Variants in ATAD2B observed in about 807,000 individuals in gnomAD.
The protein encoded by ATAD2B is ATPase family AAA domain containing 2B.
In ATAD2B, 40 loss-of-function variants were observed where a neutral mutation model predicts 167.6. The ratio of observed to expected loss-of-function variants is 0.24; its 90% confidence interval spans 0.19 to 0.31. The LOEUF is 0.31. Ranked by LOEUF, ATAD2B falls within the 10% of genes least tolerant of loss-of-function variation. The pLI, the probability that ATAD2B is intolerant of heterozygous loss-of-function variation, is 1.00. For missense variants in ATAD2B, 1,242 were observed against 1,757.2 expected, an observed-to-expected ratio of 0.71 and a Z score of 5.24; for synonymous variants, 579 against 596.5, an observed-to-expected ratio of 0.97 and a Z score of 0.43.
At chr2:23,720,500 GGAGACAGAGGTTGCAAGATCTCTATAA>G in the ATAD2B span, among the ~76,000 whole-genome samples, 72,073 of 149,706 alleles carry the variant, frequency 0.48, 18,056 homozygotes, top group East Asian at 0.78. Context: ...CTTGAACCCA[GGAGACAGAGGTTGCAAGATCTCTATAA>G]GAGATTGCGC....
Position 23,754,106 on chromosome 2 carries a change from CT to C in ATAD2B, c.4335+72del, listed in dbSNP as rs1205863081. 4 of 1,306,478 alleles carry C rather than the reference CT, an allele frequency of 3.1e-6. No homozygotes were observed. The South Asian group carries it at 5.2e-5, about 17-fold the overall frequency. 80.9% of individuals were successfully genotyped at this position (1,306,478 alleles called of 1,614,324 possible). A position where few individuals can be genotyped will look rare whatever the true frequency, so the allele number is the denominator to read the frequency against. On this transcript the variant is annotated intron_variant, in intron 27 of 27. Coordinates refer to ENST00000238789, the MANE Select transcript of ATAD2B (RefSeq NM_017552.4). The stretch of plus-strand genomic sequence containing the variant: ...AAAGACATAGATGTAGGCAAAATAA[CT>C]TTTTTTCCTCTTTTCTTTGGAACAA...
At chr2:23,815,717 A>G (rs959854292) in intron 17 of ATAD2B, among the ~76,000 whole-genome samples, 1 of 152,256 alleles carries the variant, frequency 6.6e-6, no homozygotes, top group African/African-American at 2.4e-5. Flanking sequence ...ATATCCTCAC[A>G]ACTAGTGGAA....
At chr2:23,921,630 C>A (rs551241034) in intron 1 of ATAD2B, among the ~76,000 whole-genome samples, 1 of 152,114 alleles carries the variant, frequency 6.6e-6, no homozygotes, top group African/African-American at 2.4e-5. Flanking sequence ...CAACAGAATG[C>A]GTGTATATCT....
intron 24 of ATAD2B, among the ~76,000 whole-genome samples, chr2:23,759,076 T>C (rs1274270872): frequency 6.6e-6 from 1 of 152,158 alleles, no homozygotes; most frequent in Non-Finnish European, 1.5e-5. Context: ...CATAATACAG[T>C]TAAGTGTTCT....
At chr2:23,739,554 T>C in the ATAD2B span, among the ~76,000 whole-genome samples, 1 of 151,538 alleles carries the variant, frequency 6.6e-6, no homozygotes, top group Non-Finnish European at 1.5e-5. Context: ...CAAAGCAGTG[T>C]GTAGAGGGAA....
chr2:23,889,059 T>C (rs1242914620), intron 2 of ATAD2B, among the ~76,000 whole-genome samples: 1 of 151,996 alleles, frequency 6.6e-6, no homozygotes, highest in African/African-American at 2.4e-5. Flanking sequence ...AATAAAAGAG[T>C]TGTCAATGCA....
At chr2:23,857,568 T>C in intron 12 of ATAD2B, 65 bp from the exon 13 acceptor site, 1 of 768,944 alleles carries the variant, frequency 1.3e-6, no homozygotes, top group Non-Finnish European at 1.9e-6. Flanking sequence ...TATTATATTT[T>C]CTTAATAGGT....
intron 6 of ATAD2B, among the ~76,000 whole-genome samples, chr2:23,884,417 G>A (rs1025666413): frequency 5.9e-5 from 9 of 151,906 alleles, no homozygotes; most frequent in South Asian, 2.1e-4. Context: ...TAGAGGCCAC[G>A]GATAGCAAAG....
intron 15 of ATAD2B, among the ~76,000 whole-genome samples, chr2:23,825,707 A>G (rs1352982686): frequency 6.6e-6 from 1 of 152,170 alleles, no homozygotes; most frequent in East Asian, 1.9e-4. Context: ...CTTCTTTAAA[A>G]GGATATACAC....
the ATAD2B span, among the ~76,000 whole-genome samples, chr2:23,701,978 AATT>A: frequency 1.4e-5 from 1 of 71,484 alleles, no homozygotes; most frequent in Non-Finnish European, 2.9e-5. Flanking sequence ...ATGCCCAGCT[AATT>A]TTTTTTTTTT....
intron 8 of ATAD2B, chr2:23,872,363 T>C (rs558247395): frequency 5.0e-5 from 32 of 639,368 alleles, no homozygotes; most frequent in Middle Eastern, 9.5e-4. Flanking sequence ...TCATAGACAA[T>C]GGGAATACTA....
chr2:23,863,338 G>C (rs1352740446), intron 12 of ATAD2B, 43 bp downstream of exon 12: 1 of 1,529,650 alleles, frequency 6.5e-7, no homozygotes, highest in Admixed American at 2.1e-5. Context: ...GAAAAGAACA[G>C]AACAGAACAG....
intron 12 of ATAD2B, among the ~76,000 whole-genome samples, chr2:23,861,607 G>A (rs1208145081): frequency 1.3e-5 from 2 of 150,930 alleles, no homozygotes; most frequent in South Asian, 4.2e-4. Flanking sequence ...GGAGTAGCAT[G>A]ATTTATGCTA....
chr2:23,834,129 T>G, intron 13 of ATAD2B, 51 bp from the exon 14 acceptor site: 1 of 713,864 alleles, frequency 1.4e-6, no homozygotes, highest in South Asian at 2.4e-5. Context: ...CACTGCTGCT[T>G]ACAATAACGT....
intron 22 of ATAD2B, among the ~76,000 whole-genome samples, chr2:23,774,252 C>A (rs1243955308): frequency 6.6e-6 from 1 of 152,056 alleles, no homozygotes; most frequent in Non-Finnish European, 1.5e-5. Flanking sequence ...GAGTTTGAGA[C>A]CAGCATAGTC....
Position 23,869,718 on chromosome 2 carries a change from CAGA to C in ATAD2B, c.1018_1020del (p.Ser340del), listed in dbSNP as rs751473768. On this transcript the variant is annotated inframe_deletion, in exon 9 of 28. Coordinates refer to ENST00000238789, the MANE Select transcript of ATAD2B (RefSeq NM_017552.4). Reference sequence around the variant, plus strand: ...TTCCTTCTTTCAAAGCGTTCCTCATCAGAAGAAGTTGTGTCACTACTATGAATG... The same window carrying C: ...TTCCTTCTTTCAAAGCGTTCCTCATCAGAAGTTGTGTCACTACTATGAATG... The C allele has an allele frequency of 6.4e-6, 10 of 1,568,650 alleles. No individual in the cohort carries two copies. The highest frequency in any genetic ancestry group is 4.0e-5 in the African/African-American group (3 of 74,338).
the ATAD2B span, among the ~76,000 whole-genome samples, chr2:23,694,710 C>CT: frequency 6.6e-6 from 1 of 152,190 alleles, no homozygotes; most frequent in East Asian, 1.9e-4. Flanking sequence ...CTTTCACTCT[C>CT]TGACGCCTCT....
intron 11 of ATAD2B, 85 bp downstream of exon 11, chr2:23,864,724 A>G (rs564568218): frequency 1.7e-6 from 1 of 594,356 alleles, no homozygotes; most frequent in East Asian, 3.2e-5. Context: ...TATATATCAA[A>G]TATTTATATT....
intron 24 of ATAD2B, among the ~76,000 whole-genome samples, chr2:23,760,476 C>T (rs1676511731): frequency 6.6e-6 from 1 of 151,896 alleles, no homozygotes; most frequent in Non-Finnish European, 1.5e-5. Flanking sequence ...ACCTGACCAA[C>T]ATGGTAAAAC....
Sources: gnomAD v4.1 joint callset for allele counts (sites outside exome capture counted in the v4.1 genomes callset) on GRCh38, gnomAD v4.1.1 for gene constraint, MANE v1.5 for transcripts, NCBI Gene and HGNC (gene_info 2026-07-23, HGNC 2026-07-21) for gene names.